COLGALT1: variants seen among roughly 807,000 people sequenced by gnomAD.
COLGALT1 encodes collagen beta(1-O)galactosyltransferase 1, also known as procollagen galactosyltransferase 1.
A neutral mutation model predicts 60.8 loss-of-function variants in COLGALT1; 43 were observed. That is an observed-to-expected ratio of 0.71 (90% CI 0.55 to 0.91). The LOEUF is 0.91. Among genes scored for constraint, COLGALT1 ranks in the 40% least tolerant of loss-of-function variants. The pLI, the probability that COLGALT1 is intolerant of heterozygous loss-of-function variation, is 0.00. For synonymous variants in COLGALT1, 369 were observed against 374.2 expected (o/e 0.99, Z 0.16); for missense variants, 845 against 880.0 (o/e 0.96, Z 0.50).
rs549622223 is a variant in COLGALT1, at chr19:17,556,060, C to T, written c.260+87C>T. 25 of 1,235,016 alleles carry T rather than the reference C, an allele frequency of 2.0e-5. No individual in the cohort carries two copies. The African/African-American group carries it at 3.8e-4, about 19-fold the overall frequency. The allele number at this position is 1,235,016 out of a possible 1,614,324, so 76.5% of individuals were successfully genotyped here. ...AGGGGTGGGTCCACGCGAGCCCCTG[C>T]CCGCTGTCCTCTTCTGGGCGGGTCC... On this transcript the variant is annotated intron_variant, in intron 1 of 11. Coordinates refer to ENST00000252599, the MANE Select transcript of COLGALT1 (RefSeq NM_024656.4).
chr19:17,572,942 C>T (rs1402247200), intron 6 of COLGALT1, among the ~76,000 whole-genome samples: 1 of 152,136 alleles, frequency 6.6e-6, no homozygotes, highest in Non-Finnish European at 1.5e-5. Context: ...GGACGTGAAC[C>T]TGGGGAACAG....
chr19:17,577,128 G>T, intron 6 of COLGALT1, 67 bp from the exon 7 acceptor site: 1 of 1,517,830 alleles, frequency 6.6e-7, no homozygotes, highest in South Asian at 1.1e-5. Flanking sequence ...AGTGGGTGGG[G>T]AAAGCGTGTT....
intron 3 of COLGALT1, among the ~76,000 whole-genome samples, chr19:17,567,040 A>C (rs2076283213): frequency 6.6e-6 from 1 of 151,988 alleles, no homozygotes; most frequent in South Asian, 2.1e-4. Flanking sequence ...GCTTGAACCC[A>C]GGAGGCGGAG....
intron 1 of COLGALT1, 107 bp downstream of exon 1, chr19:17,556,080 G>A (rs1381315594): frequency 3.4e-6 from 4 of 1,175,178 alleles, no homozygotes; most frequent in Non-Finnish European, 4.3e-6. Context: ...TCTTCTGGGC[G>A]GGTCCGCGCG....
At position 17,577,187 on chromosome 19, in the gene COLGALT1, C is replaced by A; in HGVS notation, c.950-8C>A. 6.2e-7 allele frequency: 1 copy of A among 1,612,854 alleles called. No homozygotes were observed. The highest frequency in any genetic ancestry group is 1.1e-5 in the South Asian group (1 of 91,038). On this transcript the variant is annotated splice_region_variant and splice_polypyrimidine_tract_variant and intron_variant, in intron 6 of 11. Transcript: ENST00000252599. ...CCCCAGCGACTCCTCAACGTCTGTG[C>A]CCCACAGTGAAGCACCCGCCCGCAG...
intron 6 of COLGALT1, among the ~76,000 whole-genome samples, chr19:17,574,825 GTT>G (rs2076332149): frequency 6.6e-6 from 1 of 152,068 alleles, no homozygotes; most frequent in African/African-American, 2.4e-5. Context: ...GGCTACCAGA[GTT>G]TTCCCAGTTT....
Position 17,555,761 on chromosome 19 carries a change from G to T in COLGALT1, c.48G>T (p.Leu16=). The stretch of plus-strand genomic sequence containing the variant: ...GCCGGCGGCGCGGGCAGCCGCTCCT[G>T]GCGCTGCTGCTTCTGCTGCTGGCGC... ...RAGRRRGQPL[L]ALLLLLLAPL... Residue 16 remains leucine, a synonymous_variant, in exon 1 of 12, where the codon CTG becomes CTT. Transcript: ENST00000252599. The T allele has an allele frequency of 8.2e-7, 1 of 1,222,306 alleles. No individual in the cohort carries two copies. 75.7% of individuals were successfully genotyped at this position (1,222,306 alleles called of 1,614,324 possible).
At chr19:17,580,449 C>T (rs1022109076) in intron 10 of COLGALT1, 6 of 558,466 alleles carry the variant, frequency 1.1e-5, no homozygotes, top group Non-Finnish European at 1.9e-5. Flanking sequence ...AGAACGTCTG[C>T]GTGATCCTGC....
At chr19:17,571,697 G>A (rs757086851) in intron 5 of COLGALT1, among the ~76,000 whole-genome samples, 3 of 151,916 alleles carry the variant, frequency 2.0e-5, no homozygotes, top group Non-Finnish European at 4.4e-5. Flanking sequence ...CAGCCTGGGC[G>A]ACAGAACGAG....
Position 17,574,264 on chromosome 19 carries a change from A to C in COLGALT1, c.949+1662A>C, listed in dbSNP as rs536369820. On this transcript the variant is annotated intron_variant, in intron 6 of 11. Transcript: ENST00000252599. ...CCCCAGCCTTACCGATTTCTGAACG[A>C]GTCTATCTGCGGCTCCCCCTGGTGG... Among the ~76,000 whole-genome samples, 18 of 150,852 alleles carry C rather than the reference A, an allele frequency of 1.2e-4. No individual in the cohort carries two copies. In the South Asian group the frequency reaches 3.8e-3, roughly 32 times the overall value.
chr19:17,572,199 T>G (rs2076316711), intron 5 of COLGALT1, among the ~76,000 whole-genome samples: 1 of 151,640 alleles, frequency 6.6e-6, no homozygotes, highest in African/African-American at 2.4e-5. Flanking sequence ...TCTCAGCTAC[T>G]AGGGAGGCTG....
Position 17,581,328 on chromosome 19 carries a change from G to T in COLGALT1, c.1753G>T (p.Asp585Tyr). 1 of 1,613,422 alleles carries T rather than the reference G, an allele frequency of 6.2e-7. No individual in the cohort carries two copies. The change falls in exon 12 of 12, where the codon GAC becomes TAC. Residue 585 changes from aspartate (D) to tyrosine (Y), a missense_variant. Physicochemically the swap from Asp to Tyr is radical, Grantham distance 160 (BLOSUM62 -3). Coordinates refer to ENST00000252599, the MANE Select transcript of COLGALT1 (RefSeq NM_024656.4). ...ATGGAACAATGAGCACGTCAAGACC[G>T]ACTGGGACCGCGCCAAGTCCCAGAA... is the stretch of plus-strand genomic sequence containing the variant. ...VVWNNEHVKT[D>Y]WDRAKSQKMR...
chr19:17,556,489 G>A (rs75189623), intron 1 of COLGALT1: 1 of 981,694 alleles, frequency 1.0e-6, no homozygotes, highest in Non-Finnish European at 1.2e-6. Context: ...CCTGCCCTCA[G>A]ACCGGCGTGG....
chr19:17,579,674 G>A, intron 10 of COLGALT1, 65 bp downstream of exon 10: 1 of 1,529,766 alleles, frequency 6.5e-7, no homozygotes, highest in Admixed American at 1.7e-5. Context: ...TTAGAGGTGG[G>A]GGTGGGGGCA....
At chr19:17,566,133 G>A (rs998506126) in intron 3 of COLGALT1, 2 of 152,128 alleles carry the variant, frequency 1.3e-5, no homozygotes, top group African/African-American at 4.8e-5. Context: ...GGGAGGCCGA[G>A]GCAGGCGTAT....
intron 10 of COLGALT1, chr19:17,580,496 C>T (rs1181850802): frequency 1.5e-5 from 9 of 604,082 alleles, no homozygotes; most frequent in Middle Eastern, 4.5e-4. Flanking sequence ...CTCCCTCACG[C>T]CCTTTGGAAA....
At chr19:17,564,826 C>T (rs959052674) in intron 3 of COLGALT1, among the ~76,000 whole-genome samples, 1 of 152,128 alleles carries the variant, frequency 6.6e-6, no homozygotes, top group Non-Finnish European at 1.5e-5. Context: ...GCAACCACCA[C>T]CTCTAATTCT....
In COLGALT1 at chr19:17,572,476, A is replaced by T; in HGVS notation, c.830-7A>T. The T allele has an allele frequency of 6.2e-7, 1 of 1,613,926 alleles. No individual in the cohort carries two copies. The highest frequency in any genetic ancestry group is 8.5e-7 in the Non-Finnish European group (1 of 1,179,952). ...ACATTTGTCTGTTGCTTCCCTGCCC[A>T]CTGCAGAGGTTCAGATGTATGTGTG... On this transcript the variant is annotated splice_polypyrimidine_tract_variant and splice_region_variant and intron_variant, in intron 5 of 11. Transcript: ENST00000252599.
chr19:17,571,170 C>A (rs1304358300), intron 5 of COLGALT1, among the ~76,000 whole-genome samples: 2 of 152,042 alleles, frequency 1.3e-5, no homozygotes, highest in Non-Finnish European at 1.5e-5. Flanking sequence ...GTAATCCCAG[C>A]ACTTTGGGAG....
Sources: allele counts gnomAD v4.1 joint callset (sites outside exome capture counted in the v4.1 genomes callset), GRCh38; gene constraint gnomAD v4.1.1; transcripts MANE v1.5; gene names NCBI Gene and HGNC (gene_info 2026-07-23, HGNC 2026-07-21).